The following RGS7BP variants were observed in gnomAD, a reference collection of about 807,000 sequenced individuals.
The protein encoded by RGS7BP is regulator of G protein signaling 7-binding protein.
Under a neutral mutation model 31.3 loss-of-function variants are expected in RGS7BP, and 9 were observed. The observed-to-expected ratio is 0.29, with a 90% CI of 0.17 to 0.50. The LOEUF (loss-of-function observed/expected upper bound fraction) is 0.50, where lower values mean the gene tolerates loss of function less well. Ranked by LOEUF, RGS7BP falls within the 20% of genes least tolerant of loss-of-function variation. The pLI is 0.98. For synonymous variants in RGS7BP, 115 were observed against 120.1 expected, an observed-to-expected ratio of 0.96 and a Z score of 0.28; for missense variants, 274 against 322.0, an observed-to-expected ratio of 0.85 and a Z score of 1.14.
intron 2 of RGS7BP, among the ~76,000 whole-genome samples, chr5:64,563,901 G>C (rs1180227480): frequency 6.6e-6 from 1 of 152,086 alleles, no homozygotes. Flanking sequence ...TGTCTTTTTA[G>C]TCTAAACATT....
chr5:64,533,864 C>T (rs908226097), intron 2 of RGS7BP, among the ~76,000 whole-genome samples: 1 of 152,204 alleles, frequency 6.6e-6, no homozygotes, highest in African/African-American at 2.4e-5. Context: ...TGAGTACCTA[C>T]TATGTACCAG....
intron 2 of RGS7BP, among the ~76,000 whole-genome samples, chr5:64,533,377 A>G (rs1420606672): frequency 6.6e-6 from 1 of 152,222 alleles, no homozygotes; most frequent in East Asian, 1.9e-4. Flanking sequence ...TTCCCAGACT[A>G]CATGAGCTTT....
intron 2 of RGS7BP, among the ~76,000 whole-genome samples, chr5:64,520,043 G>A (rs1749069113): frequency 6.6e-6 from 1 of 152,192 alleles, no homozygotes; most frequent in Non-Finnish European, 1.5e-5. Context: ...TTTAGGTGAA[G>A]CTCACTTGGA....
intron 2 of RGS7BP, among the ~76,000 whole-genome samples, chr5:64,540,713 GA>G (rs1741506290): frequency 6.6e-6 from 1 of 152,294 alleles, no homozygotes; most frequent in South Asian, 2.1e-4. Context: ...ATTATTGGGG[GA>G]ACTCTTGTGA....
At chr5:64,556,828 C>CTG (rs375318276) in intron 2 of RGS7BP, among the ~76,000 whole-genome samples, 1 of 151,416 alleles carries the variant, frequency 6.6e-6, no homozygotes, top group Admixed American at 6.6e-5. Flanking sequence ...AAAAAAATCT[C>CTG]TGTGTGTGTG....
At chr5:64,517,915 T>A (rs10471625) in intron 2 of RGS7BP, among the ~76,000 whole-genome samples, 201 of 144,616 alleles carry the variant, frequency 1.4e-3, no homozygotes, top group Middle Eastern at 3.4e-3. Flanking sequence ...CTTTAAAAAA[T>A]TTTTTTAAAC....
In RGS7BP at chr5:64,587,404, C is replaced by A. The variant is rs182937879; in HGVS notation, c.464-7306C>A. ...TAAGAAACTCAAGAAGAAATTCAAGCAGGAGAAATTTTCTGTGAAAATGAG... is the reference window on the plus strand; with the variant it reads ...TAAGAAACTCAAGAAGAAATTCAAGAAGGAGAAATTTTCTGTGAAAATGAG... On this transcript the variant is annotated intron_variant, in intron 3 of 5. Transcript: ENST00000334025. Among the ~76,000 whole-genome samples the A allele has an allele frequency of 2.2e-4, 34 of 152,196 alleles. 1 individual carries two copies. The highest frequency in any genetic ancestry group is 5.2e-4 in the Admixed American group (8 of 15,276).
At chr5:64,568,514 G>C (rs1041295421) in intron 2 of RGS7BP, among the ~76,000 whole-genome samples, 18 of 152,186 alleles carry the variant, frequency 1.2e-4, no homozygotes, top group African/African-American at 4.3e-4. Context: ...TTGCCAATAA[G>C]CATGAGTTCT....
intron 3 of RGS7BP, among the ~76,000 whole-genome samples, chr5:64,586,037 C>T (rs1029315199): frequency 6.6e-6 from 1 of 152,096 alleles, no homozygotes; most frequent in Admixed American, 6.5e-5. Context: ...CAACAACTCC[C>T]TTGGGCAAAG....
At chr5:64,576,434 T>G (rs930016673) in intron 3 of RGS7BP, among the ~76,000 whole-genome samples, 1 of 152,224 alleles carries the variant, frequency 6.6e-6, no homozygotes, top group Non-Finnish European at 1.5e-5. Flanking sequence ...CATGATTTCA[T>G]TAGACTTCCA....
At chr5:64,565,528 G>T (rs1742148655) in intron 2 of RGS7BP, among the ~76,000 whole-genome samples, 1 of 151,810 alleles carries the variant, frequency 6.6e-6, no homozygotes, top group Admixed American at 6.6e-5. Flanking sequence ...AAAAAAAGAA[G>T]GCTTCAGGAA....
At chr5:64,573,494 A>T (rs1742348162) in intron 2 of RGS7BP, 1 of 152,074 alleles carries the variant, frequency 6.6e-6, no homozygotes, top group Non-Finnish European at 1.5e-5. Context: ...TAATTGTCCC[A>T]CTCATAAAAT....
chr5:64,523,282 A>G (rs1220062129), intron 2 of RGS7BP, among the ~76,000 whole-genome samples: 2 of 152,120 alleles, frequency 1.3e-5, no homozygotes, highest in Non-Finnish European at 2.9e-5. Flanking sequence ...GGCAGCTGCC[A>G]CCCAGGCTTC....
chr5:64,600,303 T>A (rs1743185420), intron 5 of RGS7BP, among the ~76,000 whole-genome samples: 1 of 152,170 alleles, frequency 6.6e-6, no homozygotes, highest in South Asian at 2.1e-4. Flanking sequence ...ACGTCACCTA[T>A]ATTTTAAGCC....
intron 2 of RGS7BP, among the ~76,000 whole-genome samples, chr5:64,521,779 A>G (rs1261935805): frequency 6.6e-6 from 1 of 152,174 alleles, no homozygotes; most frequent in Non-Finnish European, 1.5e-5. Context: ...ATAAGCACTT[A>G]ATGTTTCTTG....
intron 2 of RGS7BP, among the ~76,000 whole-genome samples, chr5:64,552,114 A>G (rs1473951368): frequency 6.6e-6 from 1 of 152,186 alleles, no homozygotes; most frequent in Non-Finnish European, 1.5e-5. Context: ...TTTTCAAGGT[A>G]TATTTTAAAG....
intron 4 of RGS7BP, 65 bp downstream of exon 4, chr5:64,594,922 A>C: frequency 6.6e-7 from 1 of 1,517,170 alleles, no homozygotes; most frequent in Non-Finnish European, 9.1e-7. Flanking sequence ...TAGGGGCCAC[A>C]GAGAGACGAG....
At chr5:64,559,281 C>A (rs1302620812) in intron 2 of RGS7BP, among the ~76,000 whole-genome samples, 2 of 152,086 alleles carry the variant, frequency 1.3e-5, no homozygotes, top group Non-Finnish European at 2.9e-5. Flanking sequence ...GAGCGGCCGA[C>A]ACTTATGGAA....
chr5:64,587,971 G>C (rs1742803436), intron 3 of RGS7BP, among the ~76,000 whole-genome samples: 1 of 152,026 alleles, frequency 6.6e-6, no homozygotes, highest in African/African-American at 2.4e-5. Context: ...AGACATCCAG[G>C]AATGACAAGA....
Sources: allele counts gnomAD v4.1 joint callset (sites outside exome capture counted in the v4.1 genomes callset), GRCh38; gene constraint gnomAD v4.1.1; transcripts MANE v1.5; gene names NCBI Gene and HGNC (gene_info 2026-07-23, HGNC 2026-07-21).